The following B3GAT2 variants were observed in gnomAD, a reference collection of about 807,000 sequenced individuals.
B3GAT2 encodes the protein beta-1,3-glucuronyltransferase 2.
Under a neutral mutation model 27.8 loss-of-function variants are expected in B3GAT2, and 26 were observed. That is an observed-to-expected ratio of 0.93 (90% confidence interval 0.68 to 1.30). The LOEUF is 1.30. Among genes scored for constraint, B3GAT2 ranks in the 50% most tolerant of loss-of-function variants. The probability of loss-of-function intolerance (pLI) is 0.00; values close to 1 mark genes in which losing one functional copy is unlikely to be tolerated. For missense variants in B3GAT2, 458 were observed against 459.0 expected (o/e 1.00, Z 0.02); for synonymous variants, 218 against 195.1 (o/e 1.12, Z -0.98).
intron 2 of B3GAT2, among the ~76,000 whole-genome samples, chr6:70,862,304 A>G (rs1471653763): frequency 6.6e-6 from 1 of 152,200 alleles, no homozygotes; most frequent in Non-Finnish European, 1.5e-5. Context: ...GCCACTAGGA[A>G]TAACTAAGAA....
At chr6:70,955,367 C>T (rs1401591692) in intron 1 of B3GAT2, among the ~76,000 whole-genome samples, 1 of 152,022 alleles carries the variant, frequency 6.6e-6, no homozygotes, top group African/African-American at 2.4e-5. Flanking sequence ...AGAATCACAC[C>T]TGTAGGCACT....
intron 1 of B3GAT2, among the ~76,000 whole-genome samples, chr6:70,933,064 G>T (rs1773086015): frequency 1.3e-5 from 2 of 152,270 alleles, no homozygotes; most frequent in South Asian, 4.1e-4. Context: ...CTCCCAAAGT[G>T]CTGGGATTAT....
At chr6:70,900,481 T>C (rs930259870) in intron 1 of B3GAT2, among the ~76,000 whole-genome samples, 4 of 152,076 alleles carry the variant, frequency 2.6e-5, no homozygotes, top group Admixed American at 2.0e-4. Flanking sequence ...CCCCAACTCC[T>C]GGGATCAAGT....
At chr6:70,947,570 G>A (rs1048234747) in intron 1 of B3GAT2, among the ~76,000 whole-genome samples, 11 of 151,806 alleles carry the variant, frequency 7.2e-5, no homozygotes, top group African/African-American at 2.7e-4. Flanking sequence ...AACAGGCTCT[G>A]AAATTGTGGG....
chr6:70,892,326 G>A (rs552679309), intron 2 of B3GAT2, among the ~76,000 whole-genome samples: 1 of 152,244 alleles, frequency 6.6e-6, no homozygotes, highest in African/African-American at 2.4e-5. Context: ...CCAAATTCTA[G>A]GGGAACCAAT....
intron 2 of B3GAT2, among the ~76,000 whole-genome samples, chr6:70,883,037 GCTATTATTAAAAAAA>G (rs1772123330): frequency 6.6e-6 from 1 of 152,110 alleles, no homozygotes; most frequent in Non-Finnish European, 1.5e-5. Context: ...CCATTAGGTG[GCTATTATTAAAAAAA>G]CTAATACAAC....
At chr6:70,904,504 T>C (rs1476340164) in intron 1 of B3GAT2, among the ~76,000 whole-genome samples, 1 of 152,020 alleles carries the variant, frequency 6.6e-6, no homozygotes, top group Non-Finnish European at 1.5e-5. Context: ...GGGAAACAGG[T>C]CTCCTTGGAG....
At chr6:70,913,242 G>A in intron 1 of B3GAT2, among the ~76,000 whole-genome samples, 1 of 152,030 alleles carries the variant, frequency 6.6e-6, no homozygotes, top group East Asian at 1.9e-4. Flanking sequence ...AGTTCCTCTA[G>A]GTGCAATGTT....
chr6:70,886,164 A>G (rs1772181903), intron 2 of B3GAT2, among the ~76,000 whole-genome samples: 1 of 152,190 alleles, frequency 6.6e-6, no homozygotes, highest in Non-Finnish European at 1.5e-5. Context: ...AGAGACCAAG[A>G]ACTCAGTGAC....
rs554377076 is a variant in B3GAT2 at position 70,956,273 on chromosome 6, G to T, written c.157C>A (p.Pro53Thr). Residue 53 changes from proline to threonine, a missense_variant, in exon 1 of 4, where the codon CCG (proline) becomes ACG (threonine). Physicochemically the swap from Pro to Thr is conservative, Grantham distance 38. Transcript: ENST00000230053. ...TGAGCCGGGCCGCCCCTGCGGAGCG[G>T]GAGTCGGGCGCCCCCGCGGCCCACC... The part of the protein sequence containing the change: ...YAVGRGGARL[P>T]LRRGGPAHGT... 63 of 1,608,786 alleles carry T rather than the reference G, an allele frequency of 3.9e-5. No individual in the cohort carries two copies. The South Asian group carries it at 6.1e-4, about 16-fold the overall frequency.
At chr6:70,944,582 T>G (rs1394074172) in intron 1 of B3GAT2, among the ~76,000 whole-genome samples, 1 of 152,152 alleles carries the variant, frequency 6.6e-6, no homozygotes, top group African/African-American at 2.4e-5. Flanking sequence ...TCCAACTGGG[T>G]GGAGGCCACC....
intron 1 of B3GAT2, among the ~76,000 whole-genome samples, chr6:70,945,996 A>C (rs569489461): frequency 1.3e-5 from 2 of 151,996 alleles, no homozygotes; most frequent in African/African-American, 4.8e-5. Flanking sequence ...AAGGAGAAAT[A>C]AAATACTTTA....
chr6:70,866,437 G>A (rs570679971), intron 2 of B3GAT2, among the ~76,000 whole-genome samples: 6 of 152,248 alleles, frequency 3.9e-5, no homozygotes, highest in African/African-American at 1.4e-4. Context: ...GTGTTTTTAT[G>A]TATGGTTGTG....
At position 70,956,724 on chromosome 6, in the gene B3GAT2, C is replaced by T. The variant is rs1765664435; in HGVS notation, c.-295G>A. On this transcript the variant is annotated 5_prime_UTR_variant, in exon 1 of 4. Coordinates refer to ENST00000230053, the MANE Select transcript of B3GAT2 (RefSeq NM_080742.3). ...CTCGGTCCAGCCGCGCGCCGCCGGT[C>T]CCGGAGTTGTGCCGAGTGCGGGAAA... 1 of 1,321,566 alleles carries T rather than the reference C, an allele frequency of 7.6e-7. No homozygotes were observed. Among genetic ancestry groups the T allele is most frequent in the Non-Finnish European group, 9.7e-7 (1 of 1,035,570 alleles). The allele number at this position is 1,321,566 out of a possible 1,614,324, so 81.9% of individuals were successfully genotyped here.
chr6:70,900,899 T>C (rs1393961863), intron 1 of B3GAT2, among the ~76,000 whole-genome samples: 1 of 152,166 alleles, frequency 6.6e-6, no homozygotes. Context: ...GGAGTTACAA[T>C]AAAAAATGTG....
intron 1 of B3GAT2, among the ~76,000 whole-genome samples, chr6:70,896,995 C>A (rs549243591): frequency 6.6e-6 from 1 of 152,160 alleles, no homozygotes; most frequent in Admixed American, 6.5e-5. Flanking sequence ...GATTATTTTC[C>A]AAAGTGCTTC....
At chr6:70,908,675 C>T (rs1408778028) in intron 1 of B3GAT2, among the ~76,000 whole-genome samples, 1 of 151,952 alleles carries the variant, frequency 6.6e-6, no homozygotes, top group East Asian at 1.9e-4. Flanking sequence ...TAATAATGCA[C>T]AGCATAAACA....
In B3GAT2 at chr6:70,869,918, T is replaced by C. The variant is rs867167448; in HGVS notation, c.737-7940A>G. ...AGGTGCTGGAGAGGATGTGGAGAAA[T>C]AGGAACACTTTTACACTGTTGGTGG... On this transcript the variant is annotated intron_variant, in intron 2 of 3. Transcript: ENST00000230053. Among the ~76,000 whole-genome samples, 73 of 152,156 alleles carry C rather than the reference T, an allele frequency of 4.8e-4. No individual in the cohort carries two copies. In the Middle Eastern group the frequency reaches 0.017, roughly 35 times the overall value.
chr6:70,928,393 C>A (rs888464064), intron 1 of B3GAT2, among the ~76,000 whole-genome samples: 8 of 151,658 alleles, frequency 5.3e-5, no homozygotes, highest in African/African-American at 1.7e-4. Context: ...ATCAATGAAT[C>A]TAGGAATTGG....
Sources: gnomAD v4.1 joint callset for allele counts (sites outside exome capture counted in the v4.1 genomes callset) on GRCh38, gnomAD v4.1.1 for gene constraint, MANE v1.5 for transcripts, NCBI Gene and HGNC (gene_info 2026-07-23, HGNC 2026-07-21) for gene names.